CTNNA1: variants seen among roughly 807,000 people sequenced by gnomAD.
CTNNA1 encodes catenin alpha 1.
Under a neutral mutation model 98.4 loss-of-function variants are expected in CTNNA1, and 37 were observed. The observed-to-expected ratio is 0.38, with a 90% CI of 0.29 to 0.49. The LOEUF (loss-of-function observed/expected upper bound fraction) is 0.49, where lower values mean the gene tolerates loss of function less well. CTNNA1 is among the 20% of genes least tolerant of loss of function. CTNNA1 has a pLI of 0.95. For synonymous variants in CTNNA1, 404 were observed against 413.2 expected (o/e 0.98, Z 0.27); for missense variants, 761 against 1,147.2 (o/e 0.66, Z 4.86).
chr5:138,889,107 A>G (rs1008440774), intron 9 of CTNNA1, among the ~76,000 whole-genome samples: 2 of 152,238 alleles, frequency 1.3e-5, no homozygotes, highest in African/African-American at 4.8e-5. Context: ...CCAGATACAC[A>G]CAGATTGCGC....
intron 10 of CTNNA1, among the ~76,000 whole-genome samples, chr5:138,914,698 T>C (rs932254734): frequency 2.0e-5 from 3 of 151,970 alleles, no homozygotes; most frequent in Non-Finnish European, 4.4e-5. Context: ...CATTCTTGAA[T>C]ACCCCTCCAA....
chr5:138,912,260 A>G (rs974339980), intron 10 of CTNNA1, among the ~76,000 whole-genome samples: 2 of 152,060 alleles, frequency 1.3e-5, no homozygotes, highest in African/African-American at 4.8e-5. Flanking sequence ...CAAGTGAAAG[A>G]AAAAAAAGCG....
At chr5:138,840,690 C>G (rs1164600413) in intron 7 of CTNNA1, among the ~76,000 whole-genome samples, 1 of 151,206 alleles carries the variant, frequency 6.6e-6, no homozygotes, top group Non-Finnish European at 1.5e-5. Flanking sequence ...AAAAGCTTAT[C>G]AATCATAACT....
intron 16 of CTNNA1, chr5:138,931,733 G>GTCA (rs1192504593): frequency 1.0e-6 from 1 of 985,282 alleles, no homozygotes; most frequent in Non-Finnish European, 1.2e-6. Context: ...TGTCAATACT[G>GTCA]TCATCTGAAA....
chr5:138,804,036 C>T (rs1377984861), intron 3 of CTNNA1, among the ~76,000 whole-genome samples: 3 of 152,218 alleles, frequency 2.0e-5, no homozygotes, highest in African/African-American at 7.2e-5. Context: ...GTCTTCTGAT[C>T]TTGTTTTACC....
At chr5:138,775,552 T>C (rs984807874) in intron 1 of CTNNA1, among the ~76,000 whole-genome samples, 2 of 152,096 alleles carry the variant, frequency 1.3e-5, no homozygotes, top group Non-Finnish European at 2.9e-5. Flanking sequence ...AGTATAATGA[T>C]GAAAATTCAG....
In CTNNA1 at chr5:138,873,199, T is replaced by C. The variant is rs767381983; in HGVS notation, c.1063-13013T>C. On this transcript the variant is annotated intron_variant, in intron 7 of 17. Coordinates refer to ENST00000302763, the MANE Select transcript of CTNNA1 (RefSeq NM_001903.5). The surrounding 1 kb of genome is among the most constrained non-coding windows in gnomAD (Gnocchi z 6.1). The stretch of plus-strand genomic sequence containing the variant: ...TCTGAACCATTGAGCACTGCCTAAT[T>C]CTTCTTAAAGTGGGAGGGCAGCACT... The C allele has an allele frequency of 6.2e-7, 1 of 1,613,858 alleles. No homozygotes were observed. Among genetic ancestry groups the C allele is most frequent in the African/African-American group, 1.3e-5 (1 of 74,910 alleles).
At chr5:138,848,443 G>A (rs1310688782) in intron 7 of CTNNA1, among the ~76,000 whole-genome samples, 2 of 152,000 alleles carry the variant, frequency 1.3e-5, no homozygotes, top group East Asian at 1.9e-4. Context: ...TAGTTTCATA[G>A]AGCCATTGCA....
Position 138,934,123 on chromosome 5 carries a change from G to T in CTNNA1, c.*34G>T, listed in dbSNP as rs1054130844. On this transcript the variant is annotated 3_prime_UTR_variant, in exon 18 of 18. Transcript: ENST00000302763. ...AGGCCGGCCGCCCCCACCCCTCGGG[G>T]CTCCTGAATATCAGTCACTGTTCGT... The T allele has an allele frequency of 2.6e-6, 4 of 1,540,180 alleles. No individual in the cohort carries two copies. Among genetic ancestry groups the T allele is most frequent in the Admixed American group, 1.7e-5 (1 of 58,532 alleles).
chr5:138,913,996 G>A (rs549273670), intron 10 of CTNNA1, among the ~76,000 whole-genome samples: 4 of 152,174 alleles, frequency 2.6e-5, no homozygotes, highest in East Asian at 3.8e-4. Flanking sequence ...GATTACAGGC[G>A]TGAGCCACTG....
intron 1 of CTNNA1, among the ~76,000 whole-genome samples, chr5:138,765,592 G>A (rs1306161416): frequency 6.6e-6 from 1 of 152,174 alleles, no homozygotes; most frequent in Admixed American, 6.5e-5. Context: ...TAATGTGTAA[G>A]CCACCATTGC....
At chr5:138,857,094 C>T (rs1294165792) in intron 7 of CTNNA1, among the ~76,000 whole-genome samples, 1 of 152,164 alleles carries the variant, frequency 6.6e-6, no homozygotes, top group Non-Finnish European at 1.5e-5. Context: ...CCTTTGCCTG[C>T]CCTTTAAATA....
chr5:138,902,542 C>T (rs1202580581), intron 9 of CTNNA1, among the ~76,000 whole-genome samples: 1 of 152,330 alleles, frequency 6.6e-6, no homozygotes, highest in East Asian at 1.9e-4. Flanking sequence ...GCCTCAGCCT[C>T]CCGAGTAGCT....
At chr5:138,776,943 G>C (rs1274569469) in intron 1 of CTNNA1, among the ~76,000 whole-genome samples, 3 of 134,276 alleles carry the variant, frequency 2.2e-5, no homozygotes, top group Admixed American at 7.1e-5. Flanking sequence ...CTGGCCGGGC[G>C]GGGGGCTGAC....
intron 3 of CTNNA1, among the ~76,000 whole-genome samples, chr5:138,800,870 A>G (rs1757505503): frequency 6.6e-6 from 1 of 151,842 alleles, no homozygotes; most frequent in Non-Finnish European, 1.5e-5. Flanking sequence ...TGCAGACTTC[A>G]ATTCACAGTA....
chr5:138,827,114 C>A (rs1426872066), intron 6 of CTNNA1, among the ~76,000 whole-genome samples: 1 of 152,212 alleles, frequency 6.6e-6, no homozygotes, highest in African/African-American at 2.4e-5. Flanking sequence ...TGTGGTGCAA[C>A]AGTTCTAAAT....
At chr5:138,833,365 C>T (rs759077589) in intron 7 of CTNNA1, among the ~76,000 whole-genome samples, 74 of 152,208 alleles carry the variant, frequency 4.9e-4, no homozygotes, top group Non-Finnish European at 1.3e-4. Flanking sequence ...GGCTATTGAG[C>T]ACTTGAAATG....
rs552967325 is a variant in CTNNA1 at position 138,794,727 on chromosome 5, G to A, written c.301+11355G>A. Among the ~76,000 whole-genome samples, 98 of 152,322 alleles carry A rather than the reference G, an allele frequency of 6.4e-4. 1 individual carries two copies. The highest frequency in any genetic ancestry group is 3.4e-3 in the Middle Eastern group (1 of 294). On this transcript the variant is annotated intron_variant, in intron 3 of 17. Transcript: ENST00000302763. Reference sequence around the variant, plus strand: ...AATGAATTAAAATTTGGCTGGGTGGGAGTGGTGGGACATGGAGATGGGATG... The same window carrying A: ...AATGAATTAAAATTTGGCTGGGTGGAAGTGGTGGGACATGGAGATGGGATG...
rs140337861 is a variant in CTNNA1, at chr5:138,795,703, C to T, written c.301+12331C>T. On this transcript the variant is annotated intron_variant, in intron 3 of 17. Coordinates refer to ENST00000302763, the MANE Select transcript of CTNNA1 (RefSeq NM_001903.5). ...TAAAAAGATGCCAAGCTGTTAAGTA[C>T]AGGGCAGTTTTATTATAGGCTTGCC... is the stretch of plus-strand genomic sequence containing the variant. Among the ~76,000 whole-genome samples, 725 of 151,736 alleles carry T rather than the reference C, an allele frequency of 4.8e-3. 3 individuals are homozygous for T. The highest frequency in any genetic ancestry group is 0.015 in the African/African-American group (610 of 41,424).
Sources: gnomAD v4.1 joint callset for allele counts (sites outside exome capture counted in the v4.1 genomes callset) on GRCh38, gnomAD v4.1.1 for gene constraint, Gnocchi (gnomAD v3.1) non-coding constraint, MANE v1.5 for transcripts, NCBI Gene and HGNC (gene_info 2026-07-23, HGNC 2026-07-21) for gene names.